The following ERC1 variants were observed in gnomAD, a reference collection of about 807,000 sequenced individuals.
The protein encoded by ERC1 is ELKS/RAB6-interacting/CAST family member 1.
A neutral mutation model predicts 132.0 loss-of-function variants in ERC1; 56 were observed. The ratio of observed to expected loss-of-function variants is 0.42; its 90% CI spans 0.34 to 0.53. The LOEUF (loss-of-function observed/expected upper bound fraction) is 0.53, where lower values mean the gene tolerates loss of function less well. ERC1 is among the 20% of genes least tolerant of loss of function. The probability of loss-of-function intolerance (pLI) is 0.03; values close to 1 mark genes in which losing one functional copy is unlikely to be tolerated. For synonymous variants in ERC1, 478 were observed against 476.1 expected (o/e 1.00, Z -0.05); for missense variants, 1,202 against 1,349.9 (o/e 0.89, Z 1.72).
Position 1,293,544 on chromosome 12 carries a change from ACT to A in ERC1, c.2780+3533_2780+3534del, listed in dbSNP as rs1250918136. On this transcript the variant is annotated intron_variant, in intron 15 of 18. Coordinates refer to ENST00000360905, the MANE Select transcript of ERC1 (RefSeq NM_178040.4). ...CTCAGGAGGCCGAGGCAGGAGAATC[ACT>A]TGAACCCAGGAGGCGGAGGTTGCAG... Among the ~76,000 whole-genome samples the A allele has an allele frequency of 4.1e-4, 31 of 74,944 alleles. 3 individuals are homozygous for A. Among genetic ancestry groups the A allele is most frequent in the African/African-American group, 1.1e-3 (23 of 20,658 alleles). 49.2% of individuals were successfully genotyped at this position (74,944 alleles called of 152,430 possible).
intron 18 of ERC1, among the ~76,000 whole-genome samples, chr12:1,483,349 T>C (rs1418296777): frequency 6.6e-6 from 1 of 151,986 alleles, no homozygotes; most frequent in Non-Finnish European, 1.5e-5. Flanking sequence ...TGAGACCGGC[T>C]TCTTTCATTT....
intron 1 of ERC1, among the ~76,000 whole-genome samples, chr12:1,021,283 T>C (rs993187582): frequency 3.3e-5 from 5 of 152,096 alleles, no homozygotes; most frequent in African/African-American, 9.7e-5. Context: ...GTGCCAGGAA[T>C]GCAAGCAAGG....
At chr12:1,208,087 T>C (rs7971805) in intron 12 of ERC1, among the ~76,000 whole-genome samples, 54,005 of 152,042 alleles carry the variant, frequency 0.36, 10,674 homozygotes, top group African/African-American at 0.53. Flanking sequence ...ACTATATGAA[T>C]TGGATGACAT....
chr12:1,189,516 T>C (rs1040502637), intron 11 of ERC1, among the ~76,000 whole-genome samples: 5 of 152,244 alleles, frequency 3.3e-5, no homozygotes, highest in African/African-American at 9.6e-5. Flanking sequence ...TGTTGCCTTT[T>C]GATATTCTCT....
intron 15 of ERC1, among the ~76,000 whole-genome samples, chr12:1,347,451 T>C (rs1429278094): frequency 6.6e-6 from 1 of 152,204 alleles, no homozygotes; most frequent in Non-Finnish European, 1.5e-5. Context: ...AACATATCAT[T>C]ATCTCACATG....
At chr12:1,049,595 G>A (rs1971585618) in intron 2 of ERC1, among the ~76,000 whole-genome samples, 1 of 152,100 alleles carries the variant, frequency 6.6e-6, no homozygotes, top group Admixed American at 6.5e-5. Flanking sequence ...GAACTGAAAT[G>A]TATTTGCCAT....
intron 8 of ERC1, among the ~76,000 whole-genome samples, chr12:1,167,866 G>A (rs990844194): frequency 4.0e-5 from 6 of 151,794 alleles, no homozygotes; most frequent in East Asian, 1.9e-4. Context: ...ACAGGCGCGC[G>A]CCACCACACC....
chr12:1,383,379 C>T (rs548843827), intron 16 of ERC1, among the ~76,000 whole-genome samples: 2 of 152,284 alleles, frequency 1.3e-5, no homozygotes, highest in East Asian at 1.9e-4. Flanking sequence ...CGTTAAACTT[C>T]TCTTGGTGGG....
upstream of ERC1, chr12:990,952 A>AGTGTGTGTGT (rs138094397): frequency 6.7e-6 from 1 of 150,032 alleles, no homozygotes; most frequent in Admixed American, 6.6e-5. Flanking sequence ...TGTGTGTGTG[A>AGTGTGTGTGT]GTGTGTGTGT....
At position 1,010,510 on chromosome 12, in the gene ERC1, ATT is replaced by A. The variant is rs71055123; in HGVS notation, c.-156-17222_-156-17221del. Reference sequence around the variant, plus strand: ...AAAAAAAAAAGAGAAAGGAAATATGATTTTTTTTTTTTTTTTTGACAGAGAGT... The same window carrying A: ...AAAAAAAAAAGAGAAAGGAAATATGATTTTTTTTTTTTTTTGACAGAGAGT... On this transcript the variant is annotated intron_variant, in intron 1 of 18. Transcript: ENST00000360905. Among the ~76,000 whole-genome samples, 268 of 118,366 alleles carry A rather than the reference ATT, an allele frequency of 2.3e-3. 1 individual carries two copies. Among genetic ancestry groups the A allele is most frequent in the African/African-American group, 3.9e-3 (118 of 30,470 alleles). 77.7% of individuals were successfully genotyped at this position (118,366 alleles called of 152,430 possible). A position where few individuals can be genotyped will look rare whatever the true frequency, so the allele number is the denominator to read the frequency against.
At chr12:1,124,730 C>G (rs765771611) in intron 7 of ERC1, among the ~76,000 whole-genome samples, 1 of 152,022 alleles carries the variant, frequency 6.6e-6, no homozygotes, top group South Asian at 2.1e-4. Flanking sequence ...ACAGCTCTTA[C>G]AGATGATAAA....
In ERC1 at chr12:1,345,499, A is replaced by C. The variant is rs147643866; in HGVS notation, c.2781-26334A>C. ...CGCCTGGCCAGAATATTTCTTTACTATAAAGGAGAATTCCTAAGCCATCCT... is the reference window on the plus strand; with the variant it reads ...CGCCTGGCCAGAATATTTCTTTACTCTAAAGGAGAATTCCTAAGCCATCCT... On this transcript the variant is annotated intron_variant, in intron 15 of 18. Coordinates refer to ENST00000360905, the MANE Select transcript of ERC1 (RefSeq NM_178040.4). Among the ~76,000 whole-genome samples the C allele has an allele frequency of 5.2e-3, 796 of 152,230 alleles. 6 individuals are homozygous for C. Among genetic ancestry groups the C allele is most frequent in the African/African-American group, 0.018 (752 of 41,558 alleles).
chr12:1,388,703 C>T (rs2089660255), intron 16 of ERC1, among the ~76,000 whole-genome samples: 1 of 152,060 alleles, frequency 6.6e-6, no homozygotes, highest in Non-Finnish European at 1.5e-5. Context: ...TAAGGGGAGC[C>T]TGGAGTAAGA....
At chr12:1,350,761 G>A (rs2084922525) in intron 15 of ERC1, among the ~76,000 whole-genome samples, 1 of 152,158 alleles carries the variant, frequency 6.6e-6, no homozygotes, top group Admixed American at 6.5e-5. Flanking sequence ...ATGTAACAAG[G>A]TTTATTTAGC....
chr12:1,105,021 T>C (rs557691095), intron 4 of ERC1, among the ~76,000 whole-genome samples, 197 bp downstream of exon 4: 6 of 152,332 alleles, frequency 3.9e-5, no homozygotes, highest in Admixed American at 3.9e-4. Flanking sequence ...ATAATTCAAA[T>C]TGGACCAAAA....
At chr12:1,138,380 A>G (rs575835277) in intron 7 of ERC1, among the ~76,000 whole-genome samples, 12 of 144,200 alleles carry the variant, frequency 8.3e-5, no homozygotes, top group African/African-American at 2.8e-4. Context: ...GTTGTATATA[A>G]TATGTAATAC....
intron 2 of ERC1, among the ~76,000 whole-genome samples, chr12:1,058,095 G>A (rs922958987): frequency 1.3e-5 from 2 of 151,614 alleles, no homozygotes; most frequent in Non-Finnish European, 2.9e-5. Context: ...GTCCCTTCTC[G>A]GATGCATAGT....
At chr12:1,118,339 T>A (rs932090982) in intron 7 of ERC1, among the ~76,000 whole-genome samples, 8 of 152,222 alleles carry the variant, frequency 5.3e-5, no homozygotes, top group African/African-American at 1.9e-4. Context: ...CCCTTGGCAA[T>A]CCATGCTTCT....
rs1172351394 is a variant in ERC1, at chr12:1,025,794, GTTTTT to G, written c.-156-1937_-156-1933del. Among the ~76,000 whole-genome samples the G allele has an allele frequency of 1.2e-4, 15 of 127,592 alleles. No homozygotes were observed. The East Asian group carries it at 3.3e-3, about 28-fold the overall frequency. The allele number at this position is 127,592 out of a possible 152,430, so 83.7% of individuals were successfully genotyped here. On this transcript the variant is annotated intron_variant, in intron 1 of 18. Coordinates refer to ENST00000360905, the MANE Select transcript of ERC1 (RefSeq NM_178040.4). Reference sequence around the variant, plus strand: ...GAGACTAGGTAATTTAAAAAGGAAAGTTTTTTTTTTTTTTTTTTTTTGAGACGGAG... The same window carrying G: ...GAGACTAGGTAATTTAAAAAGGAAAGTTTTTTTTTTTTTTTTGAGACGGAG...
Sources: gnomAD v4.1 joint callset for allele counts (sites outside exome capture counted in the v4.1 genomes callset) on GRCh38, gnomAD v4.1.1 for gene constraint, MANE v1.5 for transcripts, NCBI Gene and HGNC (gene_info 2026-07-23, HGNC 2026-07-21) for gene names.